Variants in AFP observed in about 807,000 individuals in gnomAD.
AFP encodes the protein alpha-fetoprotein.
Under a neutral mutation model 78.9 loss-of-function variants are expected in AFP, and 64 were observed. The ratio of observed to expected loss-of-function variants is 0.81; its 90% confidence interval spans 0.66 to 1.00. The LOEUF (loss-of-function observed/expected upper bound fraction) is 1.00. Among genes scored for constraint, AFP ranks in the 50% least tolerant of loss-of-function variants. The probability of loss-of-function intolerance (pLI) is 0.00; values close to 1 mark genes in which losing one functional copy is unlikely to be tolerated. For missense variants in AFP, 689 were observed against 703.8 expected, an observed-to-expected ratio of 0.98 and a Z score of 0.24; for synonymous variants, 254 against 243.8, an observed-to-expected ratio of 1.04 and a Z score of -0.39.
rs754004856 is a variant in AFP, at chr4:73,450,631, A to G, written c.1306A>G (p.Thr436Ala). The change falls in exon 11 of 15, where the codon ACA (threonine) becomes GCA (alanine). Residue 436 changes from threonine to alanine, a missense_variant. By Grantham distance (58) the Thr-to-Ala change is moderately conservative. Coordinates refer to ENST00000395792, the MANE Select transcript of AFP (RefSeq NM_001134.3). Reference protein sequence around the residue: ...YLQNAFLVAYTKKAPQLTSSE... With the variant: ...YLQNAFLVAYAKKAPQLTSSE... ...TTCTTTCAGGTTTCTCGTTGCTTAC[A>G]CAAAGAAAGCCCCCCAGCTGACCTC... The G allele has an allele frequency of 1.9e-6, 3 of 1,614,172 alleles. No individual in the cohort carries two copies. The East Asian group carries it at 6.7e-5, about 36-fold the overall frequency.
At chr4:73,445,236 T>A in intron 7 of AFP, 114 bp downstream of exon 7, 1 of 1,260,046 alleles carries the variant, frequency 7.9e-7, no homozygotes, top group Non-Finnish European at 1.1e-6. Flanking sequence ...GTATGTAAAC[T>A]AGGTGACTCC....
chr4:73,447,664 T>C lies in AFP; in HGVS notation c.1046T>C (p.Ile349Thr). Residue 349 changes from isoleucine to threonine, a missense_variant, in exon 8 of 15, where the codon ATC becomes ACC. Coordinates refer to ENST00000395792, the MANE Select transcript of AFP (RefSeq NM_001134.3). Reference protein sequence around the residue: ...FNQFSSGEKNIFLASFVHEYS... With the variant: ...FNQFSSGEKNTFLASFVHEYS... ...CAATTTTCTTCAGGGGAAAAAAATA[T>C]CTTCTTGGCAAGGTAACACACTCTG... The C allele has an allele frequency of 6.2e-7, 1 of 1,609,354 alleles. No individual in the cohort carries two copies. The highest frequency in any genetic ancestry group is 8.5e-7 in the Non-Finnish European group (1 of 1,177,686).
At position 73,455,677 on chromosome 4, in the gene AFP, CT is replaced by C. The variant is rs1720140576; in HGVS notation, c.*60del. On this transcript the variant is annotated 3_prime_UTR_variant, in exon 15 of 15. Coordinates refer to ENST00000395792, the MANE Select transcript of AFP (RefSeq NM_001134.3). ...TCTTTCATTCGGTGTGAACTTTTCT[CT>C]TTAATTTTAACTGATTTAACACTTT... The C allele has an allele frequency of 7.2e-6, 5 of 695,972 alleles. No individual in the cohort carries two copies. Among genetic ancestry groups the C allele is most frequent in the Non-Finnish European group, 1.3e-5 (5 of 383,178 alleles). 43.1% of individuals were successfully genotyped at this position (695,972 alleles called of 1,614,324 possible).
At chr4:73,449,979 A>T in intron 9 of AFP, 57 bp from the exon 10 acceptor site, 1 of 1,138,546 alleles carries the variant, frequency 8.8e-7, no homozygotes, top group Non-Finnish European at 1.3e-6. Flanking sequence ...AATTTTATAT[A>T]CAAAGTTATG....
At chr4:73,437,603 G>A (rs1719544374) in intron 2 of AFP, among the ~76,000 whole-genome samples, 1 of 151,984 alleles carries the variant, frequency 6.6e-6, no homozygotes, top group Non-Finnish European at 1.5e-5. Context: ...TATTCTATTT[G>A]CTGTTATTTG....
Position 73,452,266 on chromosome 4 carries a change from A to G in AFP, c.1429-135A>G, listed in dbSNP as rs1577959413. 8 of 756,058 alleles carry G rather than the reference A, an allele frequency of 1.1e-5. No homozygotes were observed. The East Asian group carries it at 1.9e-4, about 18-fold the overall frequency. The allele number at this position is 756,058 out of a possible 1,614,324, so 46.8% of individuals were successfully genotyped here. ...ACAATATAATGTCACATGATCCTAC[A>G]TAGCAAATTTTCCTGTAATATTAAT... On this transcript the variant is annotated intron_variant, in intron 11 of 14. Coordinates refer to ENST00000395792, the MANE Select transcript of AFP (RefSeq NM_001134.3).
intron 4 of AFP, among the ~76,000 whole-genome samples, chr4:73,441,525 G>A (rs1392858765): frequency 8.0e-6 from 1 of 124,404 alleles, no homozygotes; most frequent in Non-Finnish European, 1.6e-5. Context: ...CCGAGATTGC[G>A]CCACTGCACT....
intron 11 of AFP, 57 bp downstream of exon 11, chr4:73,450,810 G>A (rs1239537775): frequency 1.9e-5 from 31 of 1,611,444 alleles, no homozygotes; most frequent in Non-Finnish European, 2.5e-5. Flanking sequence ...ACTTGAAATA[G>A]CCTCATAATT....
intron 1 of AFP, among the ~76,000 whole-genome samples, chr4:73,436,887 G>A (rs1206786647): frequency 6.6e-6 from 1 of 151,906 alleles, no homozygotes; most frequent in Non-Finnish European, 1.5e-5. Flanking sequence ...GACAGTTACA[G>A]CACTACAGTA....
Position 73,442,308 on chromosome 4 carries a change from G to A in AFP, c.495G>A (p.Glu165=). 6.2e-7 allele frequency: 1 copy of A among 1,613,672 alleles called. No homozygotes were observed. The highest frequency in any genetic ancestry group is 1.1e-5 in the South Asian group (1 of 91,048). Residue 165 remains glutamate, a synonymous_variant, in exon 5 of 15, where the codon GAG becomes GAA. Coordinates refer to ENST00000395792, the MANE Select transcript of AFP (RefSeq NM_001134.3). The stretch of plus-strand genomic sequence containing the variant: ...TTTTATTTCACAGATTCATTTATGA[G>A]ATAGCAAGAAGGCATCCCTTCCTGT... ...RETFMNKFIY[E]IARRHPFLYA... is the part of the protein sequence containing the mutation.
At chr4:73,439,049 C>G (rs1560391769) in intron 3 of AFP, among the ~76,000 whole-genome samples, 1 of 152,102 alleles carries the variant, frequency 6.6e-6, no homozygotes, top group Non-Finnish European at 1.5e-5. Context: ...AGATGCATAG[C>G]ACATCGTTAG....
At position 73,447,531 on chromosome 4, in the gene AFP, C is replaced by G; in HGVS notation, c.913C>G (p.Leu305Val). The G allele has an allele frequency of 1.9e-6, 3 of 1,612,698 alleles. No homozygotes were observed. In the South Asian group the frequency reaches 3.3e-5, roughly 18 times the overall value. The change falls in exon 8 of 15, where the codon CTG (leucine) becomes GTG (valine). Residue 305 changes from leucine to valine, a missense_variant. Physicochemically the swap from Leu to Val is conservative, Grantham distance 32 (BLOSUM62 1). Coordinates refer to ENST00000395792, the MANE Select transcript of AFP (RefSeq NM_001134.3). ...AAACAAAATAACAGAATGCTGCAAA[C>G]TGACCACGCTGGAACGTGGTCAATG... ...LSNKITECCKLTTLERGQCII... is the reference protein window; with the variant it reads ...LSNKITECCKVTTLERGQCII...
intron 4 of AFP, among the ~76,000 whole-genome samples, chr4:73,441,669 C>T (rs1719672258): frequency 6.6e-6 from 1 of 151,774 alleles, no homozygotes; most frequent in Non-Finnish European, 1.5e-5. Flanking sequence ...TCTCCTCTTC[C>T]TCTTCATTCT....
At chr4:73,438,368 A>G in intron 3 of AFP, 62 bp downstream of exon 3, 1 of 1,537,088 alleles carries the variant, frequency 6.5e-7, no homozygotes, top group East Asian at 2.4e-5. Flanking sequence ...TGCTGAAGAG[A>G]AGATACAAAA....
At chr4:73,453,196 T>C (rs763409576) in intron 12 of AFP, among the ~76,000 whole-genome samples, 98 of 152,206 alleles carry the variant, frequency 6.4e-4, no homozygotes, top group Non-Finnish European at 1.3e-3. Context: ...TCTTCCTTCA[T>C]TGGAAAACCC....
intron 11 of AFP, 35 bp from the exon 12 acceptor site, chr4:73,452,366 A>C (rs1239655660): frequency 6.3e-7 from 1 of 1,584,966 alleles, no homozygotes; most frequent in Non-Finnish European, 8.7e-7. Context: ...CTAATGCCCA[A>C]TCTCCTTACT....
At chr4:73,451,288 T>C (rs1719984447) in intron 11 of AFP, among the ~76,000 whole-genome samples, 1 of 152,230 alleles carries the variant, frequency 6.6e-6, no homozygotes, top group African/African-American at 2.4e-5. Context: ...AATAGTAAAA[T>C]GACTTTCGAG....
rs1719564260 is a variant in AFP at position 73,438,198 on chromosome 4, T to A, written c.162T>A (p.Phe54Leu). 2 of 1,613,368 alleles carry A rather than the reference T, an allele frequency of 1.2e-6. No individual in the cohort carries two copies. The highest frequency in any genetic ancestry group is 2.7e-5 in the African/African-American group (2 of 74,908). Reference protein sequence around the residue: ...ADLATIFFAQFVQEATYKEVS... With the variant: ...ADLATIFFAQLVQEATYKEVS... ...GGGCTACCATATTTTTTGCCCAGTT[T>A]GTTCAAGAAGCCACTTACAAGGAAG... Residue 54 changes from phenylalanine (F) to leucine (L), a missense_variant, in exon 3 of 15, where the codon TTT (phenylalanine) becomes TTA (leucine). Coordinates refer to ENST00000395792, the MANE Select transcript of AFP (RefSeq NM_001134.3).
intron 1 of AFP, 116 bp from the exon 2 acceptor site, chr4:73,437,044 C>A (rs1383654147): frequency 3.7e-6 from 3 of 810,294 alleles, no homozygotes; most frequent in African/African-American, 3.4e-5. Context: ...CCCTAATGTT[C>A]TTTTAATTCT....
Sources: gnomAD v4.1 joint callset for allele counts (sites outside exome capture counted in the v4.1 genomes callset) on GRCh38, gnomAD v4.1.1 for gene constraint, MANE v1.5 for transcripts, NCBI Gene and HGNC (gene_info 2026-07-23, HGNC 2026-07-21) for gene names.